The following BPIFB2 variants were observed in gnomAD, a reference collection of about 807,000 sequenced individuals.
BPIFB2 encodes BPI fold containing family B member 2.
A neutral mutation model predicts 50.1 loss-of-function variants in BPIFB2; 39 were observed. The ratio of observed to expected loss-of-function variants is 0.78; its 90% CI spans 0.60 to 1.02. The LOEUF is 1.02. Among genes scored for constraint, BPIFB2 ranks in the 50% least tolerant of loss-of-function variants. The probability of loss-of-function intolerance (pLI) is 0.00; values close to 1 mark genes in which losing one functional copy is unlikely to be tolerated. For synonymous variants in BPIFB2, 280 were observed against 256.3 expected (o/e 1.09, Z -0.88); for missense variants, 574 against 585.8 (o/e 0.98, Z 0.21).
chr20:33,018,080 A>T (rs771399481), intron 7 of BPIFB2, among the ~76,000 whole-genome samples, 179 bp from the exon 8 acceptor site: 36 of 152,234 alleles, frequency 2.4e-4, no homozygotes, highest in Admixed American at 7.8e-4. Flanking sequence ...AATCCTGGCC[A>T]TGTGCACTTT....
At chr20:33,015,330 T>C in intron 5 of BPIFB2, 106 bp from the exon 6 acceptor site, 1 of 1,026,184 alleles carries the variant, frequency 9.7e-7, no homozygotes. Flanking sequence ...TTGATTGGCC[T>C]CCTGGCTGAG....
intron 3 of BPIFB2, among the ~76,000 whole-genome samples, chr20:33,012,161 T>A (rs752346528): frequency 6.6e-6 from 1 of 152,138 alleles, no homozygotes; most frequent in Non-Finnish European, 1.5e-5. Context: ...GAACTGGACA[T>A]AAATACCCAG....
intron 15 of BPIFB2, 61 bp from the exon 16 acceptor site, chr20:33,023,281 G>C: frequency 6.5e-7 from 1 of 1,529,552 alleles, no homozygotes; most frequent in Non-Finnish European, 9.0e-7. Context: ...AGGCTGAGGG[G>C]GCGGCTGGGG....
intron 12 of BPIFB2, 70 bp from the exon 13 acceptor site, chr20:33,020,472 G>A: frequency 6.3e-7 from 1 of 1,596,268 alleles, no homozygotes. Flanking sequence ...CTGGGTCACG[G>A]TGTTAGCCAG....
At chr20:33,019,005 TCTGTCTTGGGGAGCAG>T (rs1978547835) in intron 9 of BPIFB2, 41 bp from the exon 10 acceptor site, 21 of 1,609,510 alleles carry the variant, frequency 1.3e-5, no homozygotes, top group African/African-American at 2.7e-5. Flanking sequence ...AAAGTGGTGA[TCTGTCTTGGGGAGCAG>T]CTGTCCTAAA....
chr20:33,021,602 G>A, intron 14 of BPIFB2, 121 bp from the exon 15 acceptor site: 1 of 1,068,738 alleles, frequency 9.4e-7, no homozygotes, highest in South Asian at 1.4e-5. Context: ...CTGTAAAAGG[G>A]GTATAACAAT....
At chr20:33,013,760 T>TG (rs1414685593) in intron 4 of BPIFB2, 50 bp from the exon 5 acceptor site, 2 of 1,583,330 alleles carry the variant, frequency 1.3e-6, no homozygotes, top group Non-Finnish European at 1.7e-6. Context: ...TCAGTCATGG[T>TG]GGGCTCTGCT....
rs991886143 is a variant in BPIFB2, at chr20:33,009,361, A to G, written c.109+678A>G. Among the ~76,000 whole-genome samples, 1 of 152,124 alleles carries G rather than the reference A, an allele frequency of 6.6e-6. No individual in the cohort carries two copies. Among genetic ancestry groups the G allele is most frequent in the Non-Finnish European group, 1.5e-5 (1 of 68,016 alleles). ...GCCCCAGGGAGGGACAGACATTGCCAAGGTCCAGGACGCCAGCACAAACAT... is the reference window on the plus strand; with the variant it reads ...GCCCCAGGGAGGGACAGACATTGCCGAGGTCCAGGACGCCAGCACAAACAT... On this transcript the variant is annotated intron_variant, in intron 2 of 15. Transcript: ENST00000170150. This position sits in a 1 kb window ranked among gnomAD's most constrained non-coding sequence, Gnocchi z 4.2.
At chr20:33,017,134 G>A (rs371903530) in intron 7 of BPIFB2, 32 bp downstream of exon 7, 49 of 1,605,142 alleles carry the variant, frequency 3.1e-5, no homozygotes, top group Non-Finnish European at 4.1e-5. Flanking sequence ...AGGGGGCTGG[G>A]GCCTCTGGGA....
chr20:33,018,810 C>T lies in BPIFB2; in HGVS notation c.843C>T (p.Ile281=). ...AGGCCGGTGCCCTCAACCTGGACAT[C>T]ACAGGGCAGCTGGTGAGGGCCCGAC... is the stretch of plus-strand genomic sequence containing the variant. The part of the protein sequence containing the change: ...LQKAGALNLD[I]TGQLRSDDNL... The change falls in exon 9 of 16, where the codon ATC becomes ATT. Residue 281 remains isoleucine, a synonymous_variant. Transcript: ENST00000170150. 6.2e-7 allele frequency: 1 copy of T among 1,612,058 alleles called. No individual in the cohort carries two copies. Among genetic ancestry groups the T allele is most frequent in the Non-Finnish European group, 8.5e-7 (1 of 1,179,142 alleles).
At chr20:33,022,288 G>A (rs552989290) in intron 15 of BPIFB2, among the ~76,000 whole-genome samples, 1 of 152,346 alleles carries the variant, frequency 6.6e-6, no homozygotes, top group East Asian at 1.9e-4. Flanking sequence ...AATTCAGTCA[G>A]CAAGACATGC....
At chr20:33,012,975 A>G in intron 4 of BPIFB2, 68 bp downstream of exon 4, 1 of 1,371,336 alleles carries the variant, frequency 7.3e-7, no homozygotes, top group Non-Finnish European at 1.0e-6. Flanking sequence ...CAGTGAGGGG[A>G]CGGGGGGTAG....
At position 33,011,256 on chromosome 20, in the gene BPIFB2, C is replaced by T. The variant is rs568414669; in HGVS notation, c.203+139C>T. ...CTCCTATCCACGGGGCAAAGTGTTC[C>T]AGTCCACCAGATGAGCACTCTCCAC... is the stretch of plus-strand genomic sequence containing the variant. On this transcript the variant is annotated intron_variant, in intron 3 of 15. Coordinates refer to ENST00000170150, the MANE Select transcript of BPIFB2 (RefSeq NM_025227.3). The T allele has an allele frequency of 3.3e-5, 24 of 732,438 alleles. No individual in the cohort carries two copies. The African/African-American group carries it at 4.0e-4, about 12-fold the overall frequency. 45.4% of individuals were successfully genotyped at this position (732,438 alleles called of 1,614,324 possible).
Position 33,023,502 on chromosome 20 carries a change from T to TAAG in BPIFB2, c.*119_*120insAAG. 1.6e-6 allele frequency: 2 copies of TAAG among 1,232,856 alleles called. No individual in the cohort carries two copies. The highest frequency in any genetic ancestry group is 2.3e-6 in the Non-Finnish European group (2 of 852,128). The allele number at this position is 1,232,856 out of a possible 1,614,324, so 76.4% of individuals were successfully genotyped here. On this transcript the variant is annotated 3_prime_UTR_variant, in exon 16 of 16. Transcript: ENST00000170150. Reference sequence around the variant, plus strand: ...CTTAGTCATCACCAACAAGCTGGACTGCTTAGCTGGGCTGTTTTATCTTCC... The same window carrying TAAG: ...CTTAGTCATCACCAACAAGCTGGACTAAGGCTTAGCTGGGCTGTTTTATCTTCC...
At chr20:33,019,374 C>A (rs1009780482) in intron 10 of BPIFB2, among the ~76,000 whole-genome samples, 2 of 152,166 alleles carry the variant, frequency 1.3e-5, no homozygotes, top group African/African-American at 2.4e-5. Context: ...CAAGACCAAG[C>A]TCAAGGTCAC....
chr20:33,021,627 T>C (rs13043556), intron 14 of BPIFB2, 96 bp from the exon 15 acceptor site: 431,294 of 1,270,046 alleles, frequency 0.34, 78,719 homozygotes, highest in African/African-American at 0.68. Context: ...GCATCCATCT[T>C]CCAGATGCCT....
At chr20:33,021,528 T>C (rs1242012371) in intron 14 of BPIFB2, among the ~76,000 whole-genome samples, 184 bp downstream of exon 14, 2 of 152,202 alleles carry the variant, frequency 1.3e-5, no homozygotes, top group Non-Finnish European at 2.9e-5. Context: ...CTGTGTGATC[T>C]TCACCAAGCA....
At chr20:33,014,497 T>A (rs1470640167) in intron 5 of BPIFB2, among the ~76,000 whole-genome samples, 2 of 152,206 alleles carry the variant, frequency 1.3e-5, no homozygotes, top group African/African-American at 4.8e-5. Context: ...ATTTCCTGCA[T>A]TTTACAGGAG....
chr20:33,008,919 A>G (rs1990249574), intron 2 of BPIFB2, among the ~76,000 whole-genome samples: 1 of 152,160 alleles, frequency 6.6e-6, no homozygotes, highest in Non-Finnish European at 1.5e-5. Context: ...TGCACATGTG[A>G]CTTGCTCACA....
Sources: gnomAD v4.1 joint callset for allele counts (sites outside exome capture counted in the v4.1 genomes callset) on GRCh38, gnomAD v4.1.1 for gene constraint, Gnocchi (gnomAD v3.1) non-coding constraint, MANE v1.5 for transcripts, NCBI Gene and HGNC (gene_info 2026-07-23, HGNC 2026-07-21) for gene names.